The following MEGF9 variants were observed in gnomAD, a reference collection of about 807,000 sequenced individuals.
MEGF9 encodes multiple epidermal growth factor-like domains protein 9.
MEGF9 carries 6 observed loss-of-function variants against 46.8 expected under a neutral mutation model. The ratio of observed to expected loss-of-function variants is 0.13; its 90% CI spans 0.07 to 0.25. The LOEUF (loss-of-function observed/expected upper bound fraction) is 0.25. Ranked by LOEUF, MEGF9 falls within the 10% of genes least tolerant of loss-of-function variation. The pLI, the probability that MEGF9 is intolerant of heterozygous loss-of-function variation, is 1.00. For missense variants in MEGF9, 683 were observed against 792.4 expected, an observed-to-expected ratio of 0.86 and a Z score of 1.66; for synonymous variants, 302 against 330.7, an observed-to-expected ratio of 0.91 and a Z score of 0.94.
intron 2 of MEGF9, among the ~76,000 whole-genome samples, chr9:120,644,214 T>C (rs1222968446): frequency 6.6e-6 from 1 of 152,208 alleles, no homozygotes; most frequent in East Asian, 1.9e-4. Flanking sequence ...AGTTTCTCAG[T>C]CTTTTCTTGT....
At chr9:120,623,494 C>T (rs910639896) in intron 2 of MEGF9, among the ~76,000 whole-genome samples, 2 of 152,084 alleles carry the variant, frequency 1.3e-5, no homozygotes, top group Non-Finnish European at 2.9e-5. Context: ...GAGATAGAAG[C>T]CCAAATATTT....
At chr9:120,629,182 AT>A (rs1437832608) in intron 2 of MEGF9, among the ~76,000 whole-genome samples, 2 of 151,968 alleles carry the variant, frequency 1.3e-5, no homozygotes, top group African/African-American at 4.8e-5. Flanking sequence ...TTCACATTAT[AT>A]TGTCCAGGCT....
At chr9:120,651,689 G>A (rs921617009) in intron 2 of MEGF9, among the ~76,000 whole-genome samples, 13 of 143,064 alleles carry the variant, frequency 9.1e-5, no homozygotes, top group Non-Finnish European at 1.8e-4. Context: ...GTCTTGCTCT[G>A]TGGCCCAGGC....
intron 3 of MEGF9, among the ~76,000 whole-genome samples, chr9:120,619,349 G>GA (rs757272539): frequency 9.3e-4 from 142 of 152,198 alleles, no homozygotes; most frequent in Admixed American, 2.3e-3. Context: ...CTCTGTTTCA[G>GA]AAAAAACAAA....
At chr9:120,643,785 C>T (rs2043614403) in intron 2 of MEGF9, among the ~76,000 whole-genome samples, 1 of 151,568 alleles carries the variant, frequency 6.6e-6, no homozygotes, top group Non-Finnish European at 1.5e-5. Flanking sequence ...GCCTTGACCT[C>T]CTGGGCTCAC....
chr9:120,683,941 T>A (rs2043810051), intron 1 of MEGF9, among the ~76,000 whole-genome samples: 1 of 151,662 alleles, frequency 6.6e-6, no homozygotes, highest in Non-Finnish European at 1.5e-5. Flanking sequence ...GAAAAAAATT[T>A]AAAAATAAAA....
intron 1 of MEGF9, among the ~76,000 whole-genome samples, chr9:120,686,830 CCCTTT>C (rs1204147961): frequency 6.6e-6 from 1 of 152,214 alleles, no homozygotes; most frequent in African/African-American, 2.4e-5. Context: ...AGTCTTCCTT[CCCTTT>C]CAACTCTCTG....
intron 4 of MEGF9, among the ~76,000 whole-genome samples, chr9:120,611,865 A>AGGAAGGAAGGG (rs572613293): frequency 4.4e-5 from 6 of 137,216 alleles, no homozygotes; most frequent in African/African-American, 1.8e-4. Flanking sequence ...GGAAGGAAGA[A>AGGAAGGAAGGG]AGAGAGAGAG....
At chr9:120,671,122 C>T (rs1047182664) in intron 1 of MEGF9, among the ~76,000 whole-genome samples, 2 of 152,210 alleles carry the variant, frequency 1.3e-5, no homozygotes, top group African/African-American at 2.4e-5. Context: ...TACTGATACC[C>T]CTTCCTCTTT....
intron 2 of MEGF9, among the ~76,000 whole-genome samples, chr9:120,645,046 C>G (rs1316872142): frequency 6.6e-6 from 1 of 152,156 alleles, no homozygotes. Context: ...TGTGAAAAAT[C>G]ATTTAAGTTG....
At chr9:120,666,890 G>A (rs1468068917) in intron 1 of MEGF9, among the ~76,000 whole-genome samples, 2 of 152,158 alleles carry the variant, frequency 1.3e-5, no homozygotes, top group Admixed American at 1.3e-4. Context: ...GGAGCCAGGG[G>A]AAGAGAACAG....
intron 3 of MEGF9, among the ~76,000 whole-genome samples, chr9:120,614,922 T>C (rs116175341): frequency 0.019 from 2,916 of 152,054 alleles, 107 homozygotes; most frequent in African/African-American, 0.068. Flanking sequence ...TATATACATA[T>C]ATACATACAT....
In MEGF9 at chr9:120,713,810, G is replaced by T; in HGVS notation, c.549C>A (p.Ser183Arg). 1 of 1,298,832 alleles carries T rather than the reference G, an allele frequency of 7.7e-7. No homozygotes were observed. Among genetic ancestry groups the T allele is most frequent in the East Asian group, 2.8e-5 (1 of 35,656 alleles). 80.5% of individuals were successfully genotyped at this position (1,298,832 alleles called of 1,614,324 possible). Reference sequence around the variant, plus strand: ...TGGCAGGTGGGGTGGGGAGGACGCTGCTGTTGCTGCTGCTGGGGAGATCGG... The same window carrying T: ...TGGCAGGTGGGGTGGGGAGGACGCTTCTGTTGCTGCTGCTGGGGAGATCGG... ...PTPDLPSSSN[S>R]SVLPTPPATE... Residue 183 changes from serine to arginine, a missense_variant, in exon 1 of 6, where the codon AGC becomes AGA. Around this residue, in one of 2 missense-constraint regions of MEGF9, gnomAD observed 370 missense variants for 371.3 expected, o/e 1.00. Coordinates refer to ENST00000373930, the MANE Select transcript of MEGF9 (RefSeq NM_001080497.3).
At chr9:120,688,130 AAC>A (rs34218836) in intron 1 of MEGF9, among the ~76,000 whole-genome samples, 52,738 of 142,290 alleles carry the variant, frequency 0.37, 10,213 homozygotes, top group South Asian at 0.52. Flanking sequence ...TCCTCTCCGC[AAC>A]ACACACACAC....
At chr9:120,650,285 C>T (rs10760110) in intron 2 of MEGF9, among the ~76,000 whole-genome samples, 104,474 of 152,156 alleles carry the variant, frequency 0.69, 36,069 homozygotes, top group South Asian at 0.75. Flanking sequence ...AAGAACTATA[C>T]TGAGATTCAC....
At chr9:120,627,971 A>C (rs2043532805) in intron 2 of MEGF9, among the ~76,000 whole-genome samples, 1 of 152,242 alleles carries the variant, frequency 6.6e-6, no homozygotes, top group Non-Finnish European at 1.5e-5. Context: ...GCTATTTTTA[A>C]ATAACTAAAA....
chr9:120,646,980 A>AT (rs976572579), intron 2 of MEGF9, among the ~76,000 whole-genome samples: 1 of 152,152 alleles, frequency 6.6e-6, no homozygotes, highest in Non-Finnish European at 1.5e-5. Flanking sequence ...ATTTTAAGAT[A>AT]TTTCTTTAAA....
At chr9:120,699,384 ATGTT>A (rs1337864726) in intron 1 of MEGF9, among the ~76,000 whole-genome samples, 3 of 152,146 alleles carry the variant, frequency 2.0e-5, no homozygotes, top group Admixed American at 6.5e-5. Flanking sequence ...ATTTTCTACA[ATGTT>A]TATTGTAGAA....
At chr9:120,608,728 T>A (rs1587971699) in intron 4 of MEGF9, among the ~76,000 whole-genome samples, 1 of 152,200 alleles carries the variant, frequency 6.6e-6, no homozygotes, top group East Asian at 1.9e-4. Context: ...CTGAGTCCTG[T>A]CTTCCTCCAA....
Sources: gnomAD v4.1 joint callset for allele counts (sites outside exome capture counted in the v4.1 genomes callset) on GRCh38, gnomAD v4.1.1 for gene constraint, gnomAD v4.1.1 regional missense constraint, MANE v1.5 for transcripts, NCBI Gene and HGNC (gene_info 2026-07-23, HGNC 2026-07-21) for gene names.